Variants in NOTCH2 observed in about 807,000 individuals in gnomAD.
The protein encoded by NOTCH2 is notch receptor 2.
NOTCH2 carries 29 observed loss-of-function variants against 235.8 expected under a neutral mutation model. The ratio of observed to expected loss-of-function variants is 0.12; its 90% CI spans 0.09 to 0.17. NOTCH2 has a LOEUF of 0.17. Among genes scored for constraint, NOTCH2 ranks in the 10% least tolerant of loss-of-function variants. The probability of loss-of-function intolerance (pLI) is 1.00; values close to 1 mark genes in which losing one functional copy is unlikely to be tolerated. For synonymous variants in NOTCH2, 1,086 were observed against 1,141.5 expected, an observed-to-expected ratio of 0.95 and a Z score of 0.98; for missense variants, 2,285 against 3,150.2, an observed-to-expected ratio of 0.73 and a Z score of 6.57.
At position 119,937,722 on chromosome 1, in the gene NOTCH2, C is replaced by T. The variant is rs2101099598; in HGVS notation, c.3337+135G>A. 3.1e-6 allele frequency: 3 copies of T among 979,882 alleles called. No homozygotes were observed. In the East Asian group the frequency reaches 7.8e-5, roughly 25 times the overall value. 60.7% of individuals were successfully genotyped at this position (979,882 alleles called of 1,614,324 possible). ...ACCCTTACACCTTCTGTCTTGAGCC[C>T]TTTCCCCAGAGCCCTGCCCACCCAC... On this transcript the variant is annotated intron_variant, in intron 20 of 33. Coordinates refer to ENST00000256646, the MANE Select transcript of NOTCH2 (RefSeq NM_024408.4).
At chr1:119,981,395 T>A (rs587675459) in intron 5 of NOTCH2, among the ~76,000 whole-genome samples, 2 of 152,356 alleles carry the variant, frequency 1.3e-5, no homozygotes, top group Admixed American at 1.3e-4. Flanking sequence ...ATTTTTTCTT[T>A]GTGTCTCTTA....
intron 17 of NOTCH2, among the ~76,000 whole-genome samples, chr1:119,947,997 A>G (rs1476893873): frequency 6.6e-6 from 1 of 152,246 alleles, no homozygotes; most frequent in Non-Finnish European, 1.5e-5. Context: ...AGAGAAGGTT[A>G]AATTGCAATG....
In NOTCH2 at chr1:119,960,101, A is replaced by C. The variant is rs868993681; in HGVS notation, c.1916-599T>G. On this transcript the variant is annotated intron_variant, in intron 11 of 33. Transcript: ENST00000256646. ...TCTTCATGAAACCCCATTTTAATTG[A>C]AAGAGCAACTGACAGGCAAACCAGG... Among the ~76,000 whole-genome samples, 4 of 152,324 alleles carry C rather than the reference A, an allele frequency of 2.6e-5. No homozygotes were observed. The South Asian group carries it at 8.3e-4, about 32-fold the overall frequency.
chr1:119,974,420 T>A (rs1302783080), intron 5 of NOTCH2, among the ~76,000 whole-genome samples: 1 of 152,184 alleles, frequency 6.6e-6, no homozygotes, highest in Non-Finnish European at 1.5e-5. Context: ...AACTTGTTTT[T>A]AAAAACTACC....
At chr1:119,928,561 T>C (rs1649549492) in intron 23 of NOTCH2, among the ~76,000 whole-genome samples, 1 of 152,140 alleles carries the variant, frequency 6.6e-6, no homozygotes, top group Admixed American at 6.5e-5. Flanking sequence ...TGTGAATGAA[T>C]GGGGGTGATA....
intron 19 of NOTCH2, among the ~76,000 whole-genome samples, chr1:119,938,943 G>A (rs774839632): frequency 3.9e-5 from 6 of 152,274 alleles, no homozygotes; most frequent in Non-Finnish European, 7.4e-5. Context: ...GCCTCCCAAA[G>A]TGCTGGGATT....
Position 119,915,577 on chromosome 1 carries a change from T to C in NOTCH2, c.7145A>G (p.Lys2382Arg). Reference sequence around the variant, plus strand: ...GTGCTGTGAAGGGGGTGTGGGGTACTTGCCCACAGAGGCTGGGAAAGGATG... The same window carrying C: ...GTGCTGTGAAGGGGGTGTGGGGTACCTGCCCACAGAGGCTGGGAAAGGATG... Reference protein sequence around the residue: ...AYHPFPASVGKYPTPPSQHSY... With the variant: ...AYHPFPASVGRYPTPPSQHSY... The change falls in exon 34 of 34, where the codon AAG (lysine) becomes AGG (arginine). Residue 2382 changes from lysine to arginine, a missense_variant. By Grantham distance (26) the Lys-to-Arg change is conservative (BLOSUM62 2). This residue lies in a region of NOTCH2 where 504 missense variants were observed against 538.0 expected (regional missense o/e 0.94). Coordinates refer to ENST00000256646, the MANE Select transcript of NOTCH2 (RefSeq NM_024408.4). The C allele has an allele frequency of 1.2e-6, 2 of 1,614,044 alleles. No homozygotes were observed. Among genetic ancestry groups the C allele is most frequent in the Non-Finnish European group, 1.7e-6 (2 of 1,180,034 alleles).
intron 2 of NOTCH2, among the ~76,000 whole-genome samples, chr1:120,017,914 GAA>G (rs782032423): frequency 7.0e-6 from 1 of 142,430 alleles, no homozygotes; most frequent in Non-Finnish European, 1.5e-5. Context: ...CCCTGACTAA[GAA>G]AAAAAAAAAT....
rs1271880520 is a variant in NOTCH2, at chr1:120,005,243, A to C, written c.415+86T>G. The C allele has an allele frequency of 5.1e-6, 8 of 1,556,632 alleles. No individual in the cohort carries two copies. The Admixed American group carries it at 6.7e-5, about 13-fold the overall frequency. On this transcript the variant is annotated intron_variant, in intron 3 of 33. Coordinates refer to ENST00000256646, the MANE Select transcript of NOTCH2 (RefSeq NM_024408.4). ...TGTGCACCAGAGCTGGGGGACATTT[A>C]AGAGCCAGACACCATGATCTAAAAG...
chr1:120,037,318 AG>A, intron 1 of NOTCH2, among the ~76,000 whole-genome samples: 1 of 150,526 alleles, frequency 6.6e-6, no homozygotes, highest in African/African-American at 2.5e-5. Context: ...TTTACGCCCT[AG>A]GATCTTGGCT....
intron 6 of NOTCH2, among the ~76,000 whole-genome samples, chr1:119,968,506 G>A (rs1458715389): frequency 2.0e-5 from 3 of 152,176 alleles, no homozygotes; most frequent in Non-Finnish European, 2.9e-5. Flanking sequence ...ATAAGAAGAC[G>A]GAGACAGGAA....
chr1:119,949,509 C>T (rs2493417), intron 15 of NOTCH2, among the ~76,000 whole-genome samples: 1 of 151,562 alleles, frequency 6.6e-6, no homozygotes, highest in African/African-American at 2.4e-5. Flanking sequence ...GCCTCCGCCT[C>T]CCGAGTAGCT....
chr1:119,925,577 G>A lies in NOTCH2; in HGVS notation c.4239C>T (p.Leu1413=). Reference sequence around the variant, plus strand: ...GAGGGGTGCTGGGGGGTGCCGTGTAGAGTTCACAGCGGCTACCCGAGAATG... The same window carrying A: ...GAGGGGTGCTGGGGGGTGCCGTGTAAAGTTCACAGCGGCTACCCGAGAATG... ...APPFSGSRCE[L]YTAPPSTPPA... The change falls in exon 25 of 34, where the codon CTC becomes CTT. Residue 1413 remains leucine (L), a synonymous_variant. Coordinates refer to ENST00000256646, the MANE Select transcript of NOTCH2 (RefSeq NM_024408.4). 2.5e-6 allele frequency: 4 copies of A among 1,614,158 alleles called. No individual in the cohort carries two copies. The South Asian group carries it at 4.4e-5, about 18-fold the overall frequency.
At chr1:119,920,565 GT>G (rs1312065237) in intron 29 of NOTCH2, among the ~76,000 whole-genome samples, 168 bp from the exon 30 acceptor site, 1 of 152,082 alleles carries the variant, frequency 6.6e-6, no homozygotes, top group African/African-American at 2.4e-5. Flanking sequence ...CACTGCTCTC[GT>G]GATGTGGCTC....
At chr1:119,972,016 A>T (rs1243435311) in intron 5 of NOTCH2, among the ~76,000 whole-genome samples, 1 of 151,966 alleles carries the variant, frequency 6.6e-6, no homozygotes, top group Non-Finnish European at 1.5e-5. Context: ...TGAATAAGAA[A>T]GTGAGAACAC....
intron 22 of NOTCH2, among the ~76,000 whole-genome samples, chr1:119,930,480 C>A (rs1649616119): frequency 6.6e-6 from 1 of 151,282 alleles, no homozygotes; most frequent in African/African-American, 2.4e-5. Context: ...ATGATTAATT[C>A]AAAAAGGCAC....
In NOTCH2 at chr1:119,972,824, A is replaced by T. The variant is rs113304891; in HGVS notation, c.875-3080T>A. Among the ~76,000 whole-genome samples the T allele has an allele frequency of 5.5e-3, 836 of 152,286 alleles. 4 individuals carry two copies. The highest frequency in any genetic ancestry group is 0.017 in the South Asian group (84 of 4,820). ...GCTGCCTCACTCTAAAATTCTTAAC[A>T]AAGACCTGAGGTGAGAACCTGAACA... On this transcript the variant is annotated intron_variant, in intron 5 of 33. Coordinates refer to ENST00000256646, the MANE Select transcript of NOTCH2 (RefSeq NM_024408.4).
chr1:120,064,533 G>A (rs1228600034), intron 1 of NOTCH2, among the ~76,000 whole-genome samples: 2 of 152,118 alleles, frequency 1.3e-5, no homozygotes, highest in African/African-American at 4.8e-5. Flanking sequence ...CATAGATGCT[G>A]TGACTAAGAC....
chr1:119,969,441 A>T, intron 6 of NOTCH2, 70 bp downstream of exon 6: 1 of 1,280,916 alleles, frequency 7.8e-7, no homozygotes, highest in South Asian at 1.3e-5. Flanking sequence ...GTTTGGGATG[A>T]AAGAGAAGGC....
Sources: gnomAD v4.1 joint callset for allele counts (sites outside exome capture counted in the v4.1 genomes callset) on GRCh38, gnomAD v4.1.1 for gene constraint, gnomAD v4.1.1 regional missense constraint, MANE v1.5 for transcripts, NCBI Gene and HGNC (gene_info 2026-07-23, HGNC 2026-07-21) for gene names.